Variants in BICRAL observed in about 807,000 individuals in gnomAD.
BICRAL encodes BRD4-interacting chromatin-remodeling complex-associated protein-like.
In BICRAL, 8 loss-of-function variants were observed where a neutral mutation model predicts 91.8. That is an observed-to-expected ratio of 0.09 (90% confidence interval 0.05 to 0.16). The LOEUF (loss-of-function observed/expected upper bound fraction) is 0.16, where lower values mean the gene tolerates loss of function less well. Ranked by LOEUF, BICRAL falls within the 10% of genes least tolerant of loss-of-function variation. BICRAL has a pLI of 1.00. For synonymous variants in BICRAL, 445 were observed against 491.1 expected, an observed-to-expected ratio of 0.91 and a Z score of 1.24; for missense variants, 1,038 against 1,310.9, an observed-to-expected ratio of 0.79 and a Z score of 3.21.
chr6:42,822,731 T>C, intron 3 of BICRAL, 65 bp from the exon 4 acceptor site: 1 of 853,448 alleles, frequency 1.2e-6, no homozygotes, highest in South Asian at 1.5e-5. Flanking sequence ...CTAGTAAAAA[T>C]TAGTTCTAAA....
At chr6:42,782,165 C>T (rs1404705243) in intron 1 of BICRAL, 64 bp downstream of exon 1, 1 of 150,080 alleles carries the variant, frequency 6.7e-6, no homozygotes, top group Non-Finnish European at 1.5e-5. Context: ...AAAAAAAACA[C>T]ACAACCTCCT....
At chr6:42,822,350 C>T (rs1764161398) in intron 3 of BICRAL, among the ~76,000 whole-genome samples, 2 of 151,604 alleles carry the variant, frequency 1.3e-5, no homozygotes, top group Admixed American at 6.6e-5. Context: ...ACACGATCCT[C>T]CCACCTCAGC....
At chr6:42,809,511 A>G (rs1053678535) in intron 1 of BICRAL, among the ~76,000 whole-genome samples, 1 of 140,428 alleles carries the variant, frequency 7.1e-6, no homozygotes, top group African/African-American at 2.7e-5. Flanking sequence ...ATCTTGGCTC[A>G]CGGCAACCTC....
intron 1 of BICRAL, among the ~76,000 whole-genome samples, chr6:42,753,614 C>G (rs912970378): frequency 1.3e-5 from 2 of 151,976 alleles, no homozygotes; most frequent in Non-Finnish European, 2.9e-5. Context: ...GTTGTTTGAA[C>G]TTGTTTGTTT....
intron 1 of BICRAL, among the ~76,000 whole-genome samples, chr6:42,797,828 TA>T (rs1486158360): frequency 1.3e-5 from 2 of 151,960 alleles, no homozygotes; most frequent in African/African-American, 4.8e-5. Context: ...TTGCAAAAAT[TA>T]GCCGGGCATG....
chr6:42,865,051 C>T lies in BICRAL; in HGVS notation c.2845C>T (p.His949Tyr), dbSNP rs751382892. ...GHRKTSSRSDHGTESKLSSIL... is the reference protein window; with the variant it reads ...GHRKTSSRSDYGTESKLSSIL... ...CCGGAAAACCTCATCCAGATCGGAT[C>T]ATGGTACTGAGAGCAAACTGTCAAG... is the stretch of plus-strand genomic sequence containing the variant. The change falls in exon 13 of 13, where the codon CAT (histidine) becomes TAT (tyrosine). Residue 949 changes from histidine to tyrosine, a missense_variant. Transcript: ENST00000314073. The T allele has an allele frequency of 1.2e-6, 2 of 1,614,136 alleles. No individual in the cohort carries two copies. Among genetic ancestry groups the T allele is most frequent in the South Asian group, 2.2e-5 (2 of 91,086 alleles).
intron 1 of BICRAL, among the ~76,000 whole-genome samples, chr6:42,804,706 A>T (rs1763661561): frequency 6.6e-6 from 1 of 152,180 alleles, no homozygotes; most frequent in Non-Finnish European, 1.5e-5. Flanking sequence ...AGAGACACAA[A>T]TGAGGCTAGC....
chr6:42,749,922 T>C (rs1338143855), intron 1 of BICRAL, among the ~76,000 whole-genome samples: 1 of 151,648 alleles, frequency 6.6e-6, no homozygotes. Context: ...TGGCACGATC[T>C]CAGCTCTGTG....
At chr6:42,777,727 G>C (rs1417830195), upstream of BICRAL, among the ~76,000 whole-genome samples, 2 of 152,074 alleles carry the variant, frequency 1.3e-5, no homozygotes, top group Non-Finnish European at 2.9e-5. Flanking sequence ...CACTGGGCCT[G>C]TTTATTTGGA....
chr6:42,854,025 A>T (rs1255327772), intron 8 of BICRAL, among the ~76,000 whole-genome samples: 5 of 152,192 alleles, frequency 3.3e-5, no homozygotes, highest in Non-Finnish European at 1.5e-5. Context: ...CATACTAGGC[A>T]CTCAAAAAAT....
At chr6:42,807,791 C>T (rs1178014312) in intron 1 of BICRAL, among the ~76,000 whole-genome samples, 1 of 147,336 alleles carries the variant, frequency 6.8e-6, no homozygotes, top group East Asian at 2.0e-4. Flanking sequence ...GGCAACAGAG[C>T]GAGACTCCGT....
intron 6 of BICRAL, among the ~76,000 whole-genome samples, chr6:42,844,284 C>T (rs1467071683): frequency 1.3e-5 from 2 of 149,480 alleles, no homozygotes; most frequent in South Asian, 2.1e-4. Context: ...CCGAGGCAGG[C>T]GGATCACGAG....
At chr6:42,781,178 G>A (rs1301669544), upstream of BICRAL, among the ~76,000 whole-genome samples, 1 of 152,124 alleles carries the variant, frequency 6.6e-6, no homozygotes, top group African/African-American at 2.4e-5. Context: ...TTTTAAGAAT[G>A]AGGGGGTTAT....
intron 1 of BICRAL, among the ~76,000 whole-genome samples, chr6:42,807,426 G>A (rs1003386360): frequency 1.3e-5 from 2 of 151,416 alleles, no homozygotes; most frequent in Non-Finnish European, 2.9e-5. Context: ...CTTGTGATCC[G>A]TCCGTCTCAG....
intron 6 of BICRAL, among the ~76,000 whole-genome samples, chr6:42,848,736 C>T (rs1765094125): frequency 6.6e-6 from 1 of 151,916 alleles, no homozygotes; most frequent in Non-Finnish European, 1.5e-5. Flanking sequence ...CCCGGCTACT[C>T]GGGCTGAGGT....
rs778981601 is a variant in BICRAL at position 42,829,702 on chromosome 6, C to T, written c.1369C>T (p.Pro457Ser). Reference sequence around the variant, plus strand: ...TTCCAACATGCTCAGGACCAACCAACCATATACTGGACCGATGCTTAACAA... The same window carrying T: ...TTCCAACATGCTCAGGACCAACCAATCATATACTGGACCGATGCTTAACAA... ...NSSNMLRTNQ[P>S]YTGPMLNNQN... Residue 457 changes from proline to serine, a missense_variant, in exon 6 of 13, where the codon CCA becomes TCA. Pro to Ser is a moderately conservative substitution (Grantham distance 74). Coordinates refer to ENST00000314073, the MANE Select transcript of BICRAL (RefSeq NM_001393499.1). The T allele has an allele frequency of 6.8e-6, 11 of 1,614,192 alleles. No homozygotes were observed. Among genetic ancestry groups the T allele is most frequent in the Non-Finnish European group, 5.9e-6 (7 of 1,180,032 alleles).
intron 1 of BICRAL, among the ~76,000 whole-genome samples, chr6:42,770,103 T>C (rs1043722432): frequency 2.0e-5 from 3 of 152,172 alleles, no homozygotes; most frequent in African/African-American, 7.2e-5. Context: ...CTTTGCCAAA[T>C]ACACTCTCTT....
At position 42,793,122 on chromosome 6, in the gene BICRAL, A is replaced by ATTTTTTTTTTTT. The variant is rs1159342197; in HGVS notation, c.-102+11049_-102+11060dup. Among the ~76,000 whole-genome samples the ATTTTTTTTTTTT allele has an allele frequency of 4.8e-4, 18 of 37,254 alleles. 4 individuals carry two copies. The highest frequency in any genetic ancestry group is 5.4e-4 in the Non-Finnish European group (11 of 20,498). 24.4% of individuals were successfully genotyped at this position (37,254 alleles called of 152,430 possible). On this transcript the variant is annotated intron_variant, in intron 1 of 12. Transcript: ENST00000314073. ...AAGCGCATGCCACCATGCCCAGCTA[A>ATTTTTTTTTTTT]TTTTTTTTTTTTTTTTTTTTTTTTT...
chr6:42,769,049 T>C (rs79323746), intron 1 of BICRAL, among the ~76,000 whole-genome samples: 1,831 of 152,354 alleles, frequency 0.012, 42 homozygotes, highest in African/African-American at 0.043. Context: ...CAAGGCACCC[T>C]AAAATGTAGC....
Sources: gnomAD v4.1 joint callset for allele counts (sites outside exome capture counted in the v4.1 genomes callset) on GRCh38, gnomAD v4.1.1 for gene constraint, MANE v1.5 for transcripts, NCBI Gene and HGNC (gene_info 2026-07-23, HGNC 2026-07-21) for gene names.